The following THNSL1 variants were observed in gnomAD, a reference collection of about 807,000 sequenced individuals.
THNSL1 encodes the protein threonine synthase-like 1.
THNSL1 carries 48 observed loss-of-function variants against 50.4 expected under a neutral mutation model. The observed-to-expected ratio is 0.95, with a 90% confidence interval of 0.76 to 1.21. The LOEUF (loss-of-function observed/expected upper bound fraction) is 1.21, where lower values mean the gene tolerates loss of function less well. THNSL1 is among the 50% of genes most tolerant of loss of function. The pLI is 0.00. For missense variants in THNSL1, 896 were observed against 871.7 expected (o/e 1.03, Z -0.35); for synonymous variants, 309 against 306.1 (o/e 1.01, Z -0.10).
intron 1 of THNSL1, among the ~76,000 whole-genome samples, chr10:25,018,991 C>T (rs1332101640): frequency 6.6e-6 from 1 of 152,110 alleles, no homozygotes; most frequent in African/African-American, 2.4e-5. Flanking sequence ...GTGGTCCTTC[C>T]ACCCTCACCT....
the THNSL1 span, chr10:24,952,557 C>A: frequency 6.3e-7 from 1 of 1,592,218 alleles, no homozygotes; most frequent in Non-Finnish European, 8.6e-7. This position sits in a 1 kb window ranked among gnomAD's most constrained non-coding sequence, Gnocchi z 5.1. Context: ...TCTGGCGCCT[C>A]CTCGCTGCTC....
the THNSL1 span, among the ~76,000 whole-genome samples, chr10:24,997,465 C>T: frequency 6.6e-6 from 1 of 151,192 alleles, no homozygotes; most frequent in Non-Finnish European, 1.5e-5. Context: ...TAGCTCACTG[C>T]AGCCTCAACT....
upstream of THNSL1, chr10:25,016,578 C>G (rs939481842): frequency 6.6e-6 from 1 of 152,326 alleles, no homozygotes; most frequent in South Asian, 2.1e-4. Flanking sequence ...AAAGGAGAGT[C>G]ACGTGCCCTG....
At chr10:24,987,194 A>G in the THNSL1 span, among the ~76,000 whole-genome samples, 1 of 152,186 alleles carries the variant, frequency 6.6e-6, no homozygotes, top group Non-Finnish European at 1.5e-5. Flanking sequence ...GCCCAGCTCC[A>G]GCTCTCACTG....
At chr10:24,990,464 T>A in the THNSL1 span, 1 of 1,611,220 alleles carries the variant, frequency 6.2e-7, no homozygotes, top group Admixed American at 1.7e-5. Context: ...AACACACACC[T>A]GCAAAACTGC....
At chr10:24,984,995 T>C in the THNSL1 span, 1 of 1,000,998 alleles carries the variant, frequency 1.0e-6, no homozygotes, top group South Asian at 1.4e-5. Context: ...AAAATGTCAA[T>C]AAGTAAAAGA....
At chr10:25,000,407 G>T in the THNSL1 span, among the ~76,000 whole-genome samples, 1 of 152,236 alleles carries the variant, frequency 6.6e-6, no homozygotes, top group South Asian at 2.1e-4. Flanking sequence ...TTGAAAGAGA[G>T]ATGTTAAGGT....
chr10:25,024,372 G>A lies in THNSL1; in HGVS notation c.1149G>A (p.Gly383=). 1.2e-6 allele frequency: 2 copies of A among 1,613,998 alleles called. No homozygotes were observed. Among genetic ancestry groups the A allele is most frequent in the Non-Finnish European group, 1.7e-6 (2 of 1,180,028 alleles). The change falls in exon 3 of 3, where the codon GGG becomes GGA. Residue 383 remains glycine (G), a synonymous_variant. Transcript: ENST00000376356. ...MILVATSGDT[G]SAVLNGFSRL... is the part of the protein sequence containing the mutation. Reference sequence around the variant, plus strand: ...TTGTAGCTACTTCAGGAGACACAGGGAGTGCAGTCTTAAATGGTTTTAGTC... The same window carrying A: ...TTGTAGCTACTTCAGGAGACACAGGAAGTGCAGTCTTAAATGGTTTTAGTC...
chr10:24,978,173 T>C, the THNSL1 span, among the ~76,000 whole-genome samples: 1 of 152,196 alleles, frequency 6.6e-6, no homozygotes, highest in East Asian at 1.9e-4. Flanking sequence ...ATTCACTTAC[T>C]CTGTTGCTAA....
At chr10:25,005,268 T>C in the THNSL1 span, among the ~76,000 whole-genome samples, 56 of 152,344 alleles carry the variant, frequency 3.7e-4, no homozygotes, top group African/African-American at 1.3e-3. Flanking sequence ...ATTCTCAAAC[T>C]AAAATTGTCA....
chr10:24,956,907 T>G, the THNSL1 span, among the ~76,000 whole-genome samples: 1 of 152,140 alleles, frequency 6.6e-6, no homozygotes, highest in Non-Finnish European at 1.5e-5. Context: ...AACCCTATGG[T>G]GAACCGCACA....
chr10:24,990,402 C>A, the THNSL1 span: 1 of 1,546,706 alleles, frequency 6.5e-7, no homozygotes, highest in Non-Finnish European at 8.7e-7. Context: ...AGTGATGGTA[C>A]ACCTTTCTTT....
the THNSL1 span, chr10:24,982,903 T>C: frequency 1.3e-5 from 2 of 152,226 alleles, no homozygotes; most frequent in Non-Finnish European, 2.9e-5. Context: ...CATTTTAACA[T>C]TTAAGGCAAC....
At position 25,026,306 on chromosome 10, in the gene THNSL1, A is replaced by G. The variant is rs1432826828; in HGVS notation, c.*851A>G. 1 of 166,582 alleles carries G rather than the reference A, an allele frequency of 6.0e-6. No homozygotes were observed. Among genetic ancestry groups the G allele is most frequent in the East Asian group, 1.9e-4 (1 of 5,206 alleles). 10.3% of individuals were successfully genotyped at this position (166,582 alleles called of 1,614,324 possible). A position where few individuals can be genotyped will look rare whatever the true frequency, so the allele number is the denominator to read the frequency against. On this transcript the variant is annotated 3_prime_UTR_variant, in exon 3 of 3. Transcript: ENST00000376356. ...TTGGATGTGTACGGTTAGGGTGACG[A>G]TGTTTGAAAATCAACACATAACTGA... is the stretch of plus-strand genomic sequence containing the variant.
chr10:24,980,152 C>A, the THNSL1 span, among the ~76,000 whole-genome samples: 1 of 152,152 alleles, frequency 6.6e-6, no homozygotes, highest in Non-Finnish European at 1.5e-5. Flanking sequence ...CTGATTGCCT[C>A]GTGCCACCTC....
At position 25,025,621 on chromosome 10, in the gene THNSL1, C is replaced by A; in HGVS notation, c.*166C>A. On this transcript the variant is annotated 3_prime_UTR_variant, in exon 3 of 3. Transcript: ENST00000376356. ...GGCTGACATGAGAACTCCATGTCACCTCCTCAGATCTTTAATCTGGAAGTG... is the reference window on the plus strand; with the variant it reads ...GGCTGACATGAGAACTCCATGTCACATCCTCAGATCTTTAATCTGGAAGTG... The A allele has an allele frequency of 3.1e-6, 2 of 643,178 alleles. No homozygotes were observed. Among genetic ancestry groups the A allele is most frequent in the Non-Finnish European group, 5.4e-6 (2 of 371,358 alleles). The allele number at this position is 643,178 out of a possible 1,614,324, so 39.8% of individuals were successfully genotyped here. A position where few individuals can be genotyped will look rare whatever the true frequency, so the allele number is the denominator to read the frequency against.
the THNSL1 span, among the ~76,000 whole-genome samples, chr10:25,000,630 C>G: frequency 3.3e-5 from 5 of 152,098 alleles, no homozygotes; most frequent in Non-Finnish European, 7.4e-5. Context: ...GGTAGCTAAT[C>G]AAGCATCCCT....
upstream of THNSL1, chr10:25,016,000 C>G: frequency 6.4e-7 from 1 of 1,559,454 alleles, no homozygotes; most frequent in Non-Finnish European, 8.7e-7. Context: ...CCAGTATCTC[C>G]GTCCCTTTCT....
chr10:24,953,734 A>G, the THNSL1 span, among the ~76,000 whole-genome samples: 1 of 152,198 alleles, frequency 6.6e-6, no homozygotes, highest in Non-Finnish European at 1.5e-5. Flanking sequence ...TCTTTTGTTC[A>G]TCTTCGAATT....
Sources: gnomAD v4.1 joint callset for allele counts (sites outside exome capture counted in the v4.1 genomes callset) on GRCh38, gnomAD v4.1.1 for gene constraint, Gnocchi (gnomAD v3.1) non-coding constraint, MANE v1.5 for transcripts, NCBI Gene and HGNC (gene_info 2026-07-23, HGNC 2026-07-21) for gene names.